ARID1B: variants seen among roughly 807,000 people sequenced by gnomAD.
ARID1B encodes the protein AT-rich interactive domain-containing protein 1B.
Under a neutral mutation model 212.3 loss-of-function variants are expected in ARID1B, and 30 were observed. The ratio of observed to expected loss-of-function variants is 0.14; its 90% confidence interval spans 0.11 to 0.19. ARID1B has a LOEUF of 0.19. Ranked by LOEUF, ARID1B falls within the 10% of genes least tolerant of loss-of-function variation. The pLI is 1.00. For missense variants in ARID1B, 2,891 were observed against 3,204.0 expected (o/e 0.90, Z 2.36); for synonymous variants, 1,402 against 1,301.7 (o/e 1.08, Z -1.66).
intron 8 of ARID1B, among the ~76,000 whole-genome samples, chr6:157,154,638 T>C (rs1279490936): frequency 6.7e-6 from 1 of 150,286 alleles, no homozygotes; most frequent in African/African-American, 2.5e-5. Context: ...GGAGTGCAGT[T>C]GCACAATATC....
intron 2 of ARID1B, among the ~76,000 whole-genome samples, chr6:156,889,881 A>G (rs1419020225): frequency 6.6e-6 from 1 of 152,160 alleles, no homozygotes; most frequent in Non-Finnish European, 1.5e-5. Context: ...TTGTTAATCA[A>G]ATTCTGTGTA....
intron 4 of ARID1B, among the ~76,000 whole-genome samples, chr6:157,062,585 A>G (rs1432274356): frequency 6.6e-6 from 1 of 151,990 alleles, no homozygotes; most frequent in Non-Finnish European, 1.5e-5. Context: ...AGGACAGGGT[A>G]CCATAAGAAA....
At chr6:156,790,350 G>C (rs756578882) in intron 1 of ARID1B, among the ~76,000 whole-genome samples, 6 of 152,208 alleles carry the variant, frequency 3.9e-5, no homozygotes, top group Non-Finnish European at 7.3e-5. Context: ...AGCATAGAGT[G>C]ATGTCCTTAG....
chr6:157,070,113 A>G (rs552507948), intron 4 of ARID1B, among the ~76,000 whole-genome samples: 2 of 152,266 alleles, frequency 1.3e-5, no homozygotes, highest in East Asian at 1.9e-4. Context: ...CTGAATAGTG[A>G]CACTACTGAT....
rs1779008151 is a variant in ARID1B at position 156,779,323 on chromosome 6, G to C, written c.1643G>C (p.Gly548Ala). The change falls in exon 1 of 20, where the codon GGC becomes GCC. Residue 548 changes from glycine to alanine, a missense_variant. Physicochemically the swap from Gly to Ala is moderately conservative, Grantham distance 60 (BLOSUM62 0). Around this residue, in one of 7 missense-constraint regions of ARID1B, gnomAD observed 1,643 missense variants for 1,544.0 expected, o/e 1.06. Transcript: ENST00000636930. ...GCGGCGGCGGCGGGGGCGGCGGCGG[G>C]CGGCCAGCAGGCGGCCGCGGGCATG... ...SQAAAAGAAA[G>A]GQQAAAGMGL... is the part of the protein sequence containing the mutation. 1 of 1,136,472 alleles carries C rather than the reference G, an allele frequency of 8.8e-7. No individual in the cohort carries two copies. The highest frequency in any genetic ancestry group is 1.1e-6 in the Non-Finnish European group (1 of 928,908). The allele number at this position is 1,136,472 out of a possible 1,614,324, so 70.4% of individuals were successfully genotyped here. A position where few individuals can be genotyped will look rare whatever the true frequency, so the allele number is the denominator to read the frequency against.
rs759007417 is a variant in ARID1B at position 156,778,049 on chromosome 6, CTCCGCGGCGGCA to C, written c.370_381del (p.Ser124_Ala127del). ...CCGCGCTGTCCTCCTCCTCCTCCTC[CTCCGCGGCGGCA>C]GCGGCGGCATCCTCTTCCTCCTCGT... On this transcript the variant is annotated inframe_deletion, in exon 1 of 20. Coordinates refer to ENST00000636930, the MANE Select transcript of ARID1B (RefSeq NM_001374828.1). 6.5e-7 allele frequency: 1 copy of C among 1,536,262 alleles called. No individual in the cohort carries two copies. Among genetic ancestry groups the C allele is most frequent in the African/African-American group, 1.4e-5 (1 of 72,458 alleles).
chr6:156,854,135 G>A (rs1265439651), intron 2 of ARID1B, among the ~76,000 whole-genome samples: 2 of 152,162 alleles, frequency 1.3e-5, no homozygotes, highest in African/African-American at 4.8e-5. Context: ...CGTTATGAAT[G>A]TTTTCATAAA....
intron 2 of ARID1B, among the ~76,000 whole-genome samples, chr6:156,871,376 G>A (rs940916044): frequency 2.6e-5 from 4 of 152,210 alleles, no homozygotes; most frequent in African/African-American, 9.7e-5. Context: ...GTTCACTTAT[G>A]CTATGGGCAG....
intron 11 of ARID1B, among the ~76,000 whole-genome samples, chr6:157,179,716 C>G (rs1026133822): frequency 1.3e-5 from 2 of 152,158 alleles, no homozygotes; most frequent in African/African-American, 4.8e-5. Flanking sequence ...CCCAGTGACT[C>G]TGGAGAATCA....
intron 8 of ARID1B, chr6:157,166,783 C>G (rs2128289324): frequency 2.8e-6 from 1 of 352,396 alleles, no homozygotes; most frequent in East Asian, 5.0e-5. Flanking sequence ...AAATAATAAC[C>G]TGGAACACTT....
chr6:156,913,860 C>T (rs1410616257), intron 3 of ARID1B, among the ~76,000 whole-genome samples: 1 of 150,420 alleles, frequency 6.6e-6, no homozygotes, highest in African/African-American at 2.5e-5. Context: ...AACCCCAGCC[C>T]ATGAGCCACC....
At chr6:157,106,818 A>G (rs1199561933) in intron 5 of ARID1B, among the ~76,000 whole-genome samples, 1 of 152,220 alleles carries the variant, frequency 6.6e-6, no homozygotes, top group Non-Finnish European at 1.5e-5. Flanking sequence ...TAATAAATAA[A>G]AAACCAAGTG....
intron 2 of ARID1B, among the ~76,000 whole-genome samples, chr6:156,881,794 A>G (rs930120325): frequency 2.0e-5 from 3 of 152,194 alleles, no homozygotes; most frequent in Non-Finnish European, 4.4e-5. Flanking sequence ...CTTCCTCCCC[A>G]TGGCTTATTT....
chr6:157,148,055 G>T lies in ARID1B; in HGVS notation c.2762-569G>T, dbSNP rs757909560. On this transcript the variant is annotated intron_variant, in intron 7 of 19. Transcript: ENST00000636930. The surrounding 1 kb of genome is among the most constrained non-coding windows in gnomAD (Gnocchi z 5.6). ...TCTGGTACTCAAGCAAAAAAAGAAA[G>T]AAAGAAAGAAAAATATTATTCCCAA... Among the ~76,000 whole-genome samples, 7 of 151,370 alleles carry T rather than the reference G, an allele frequency of 4.6e-5. No homozygotes were observed. Among genetic ancestry groups the T allele is most frequent in the African/African-American group, 1.5e-4 (6 of 41,060 alleles).
At chr6:157,047,502 C>A (rs193132419) in intron 4 of ARID1B, among the ~76,000 whole-genome samples, 34 of 152,302 alleles carry the variant, frequency 2.2e-4, no homozygotes, top group Non-Finnish European at 3.8e-4. Flanking sequence ...GTCCCAAGAT[C>A]TACCAAGTCC....
At chr6:157,186,371 G>A (rs1161748389) in intron 13 of ARID1B, 3 of 467,020 alleles carry the variant, frequency 6.4e-6, no homozygotes, top group Non-Finnish European at 1.3e-5. Flanking sequence ...AGATGGAGCC[G>A]AGGGCCTGTG....
At chr6:156,873,277 T>C (rs1329656748) in intron 2 of ARID1B, among the ~76,000 whole-genome samples, 2 of 152,220 alleles carry the variant, frequency 1.3e-5, no homozygotes, top group Non-Finnish European at 2.9e-5. Context: ...ATGTGATTAA[T>C]GATTGGAAAG....
chr6:157,083,093 T>A (rs1327610628), intron 4 of ARID1B, among the ~76,000 whole-genome samples: 1 of 152,184 alleles, frequency 6.6e-6, no homozygotes, highest in South Asian at 2.1e-4. Flanking sequence ...CTTGCTTTTT[T>A]TTGTACTTTC....
chr6:156,996,822 A>G lies in ARID1B; in HGVS notation c.2247+61246A>G, dbSNP rs535053151. Among the ~76,000 whole-genome samples, 305 of 152,388 alleles carry G rather than the reference A, an allele frequency of 2.0e-3. 2 individuals carry two copies. The highest frequency in any genetic ancestry group is 6.9e-3 in the African/African-American group (287 of 41,596). On this transcript the variant is annotated intron_variant, in intron 4 of 19. Transcript: ENST00000636930. ...CAATTGCGTTAATGTCCAAATTAAAATCAGCAGCCTGACTGATTGAATGTT... is the reference window on the plus strand; with the variant it reads ...CAATTGCGTTAATGTCCAAATTAAAGTCAGCAGCCTGACTGATTGAATGTT...
Sources: allele counts gnomAD v4.1 joint callset (sites outside exome capture counted in the v4.1 genomes callset), GRCh38; gene constraint gnomAD v4.1.1; regional missense constraint gnomAD v4.1.1; non-coding constraint Gnocchi (gnomAD v3.1); transcripts MANE v1.5; gene names NCBI Gene and HGNC (gene_info 2026-07-23, HGNC 2026-07-21).